ZNF676: variants seen among roughly 807,000 people sequenced by gnomAD.
ZNF676 encodes the protein zinc finger protein 676.
ZNF676 carries 4 observed loss-of-function variants against 6.0 expected under a neutral mutation model. The ratio of observed to expected loss-of-function variants is 0.67; its 90% CI spans 0.33 to 1.53. ZNF676 has a LOEUF of 1.53. Ranked by LOEUF, ZNF676 falls within the 40% of genes most tolerant of loss-of-function variation. ZNF676 has a pLI of 0.06. For synonymous variants in ZNF676, 198 were observed against 223.1 expected (o/e 0.89, Z 1.00); for missense variants, 644 against 679.7 (o/e 0.95, Z 0.58).
At position 22,179,950 on chromosome 19, in the gene ZNF676, T is replaced by C; in HGVS notation, c.1767A>G (p.Ter589=). The change falls in exon 3 of 3, where the codon TAA becomes TAG. Residue 589 remains the stop codon, a stop_retained_variant. Coordinates refer to ENST00000397121, the MANE Select transcript of ZNF676 (RefSeq NM_001001411.3). ...HKKIHTGENP[*] Reference sequence around the variant, plus strand: ...AGGATTTACCACATTCTTCACATTTTTAGGGATTCTCTCCAGTATGAATTT... The same window carrying C: ...AGGATTTACCACATTCTTCACATTTCTAGGGATTCTCTCCAGTATGAATTT... 1 of 1,611,412 alleles carries C rather than the reference T, an allele frequency of 6.2e-7. No individual in the cohort carries two copies. Among genetic ancestry groups the C allele is most frequent in the Non-Finnish European group, 8.5e-7 (1 of 1,178,750 alleles).
At chr19:22,243,084 C>T in the ZNF676 span, among the ~76,000 whole-genome samples, 23 of 151,962 alleles carry the variant, frequency 1.5e-4, no homozygotes, top group East Asian at 3.1e-3. Context: ...CAGAAGAAGT[C>T]ACATCACCTA....
At chr19:22,231,791 C>T in the ZNF676 span, among the ~76,000 whole-genome samples, 1 of 151,422 alleles carries the variant, frequency 6.6e-6, no homozygotes, top group African/African-American at 2.4e-5. Context: ...TCAGTTGAGA[C>T]GGGTTTTCAC....
chr19:22,220,188 A>G (rs2024233133), upstream of ZNF676, among the ~76,000 whole-genome samples: 1 of 152,132 alleles, frequency 6.6e-6, no homozygotes, highest in South Asian at 2.1e-4. Context: ...ATGGTGTACT[A>G]TCTTATTAAT....
At chr19:22,197,232 G>C (rs1426023080), upstream of ZNF676, among the ~76,000 whole-genome samples, 2 of 150,982 alleles carry the variant, frequency 1.3e-5, no homozygotes, top group Non-Finnish European at 2.9e-5. Context: ...TGAGGCAGGA[G>C]AATTGCTTGA....
the ZNF676 span, among the ~76,000 whole-genome samples, chr19:22,255,639 A>G: frequency 1.3e-5 from 2 of 152,052 alleles, no homozygotes; most frequent in African/African-American, 4.8e-5. Flanking sequence ...AAGTCAGGAG[A>G]TCGAGACCAT....
At chr19:22,257,940 G>A in the ZNF676 span, among the ~76,000 whole-genome samples, 255 of 152,274 alleles carry the variant, frequency 1.7e-3, no homozygotes, top group Middle Eastern at 3.4e-3. Flanking sequence ...GAGCACCCAG[G>A]CATGACAAGA....
chr19:22,182,681 A>G (rs77097716), intron 2 of ZNF676, among the ~76,000 whole-genome samples: 4 of 142,694 alleles, frequency 2.8e-5, no homozygotes, highest in Non-Finnish European at 6.1e-5. Flanking sequence ...AAAAAAAAAA[A>G]GAGCTTTCAA....
Position 22,181,393 on chromosome 19 carries a change from T to C in ZNF676, c.324A>G (p.Thr108=), listed in dbSNP as rs1331493903. 5 of 1,613,732 alleles carry C rather than the reference T, an allele frequency of 3.1e-6. No individual in the cohort carries two copies. Among genetic ancestry groups the C allele is most frequent in the South Asian group, 1.1e-5 (1 of 91,068 alleles). Residue 108 remains threonine, a synonymous_variant, in exon 3 of 3, where the codon ACA becomes ACG. Coordinates refer to ENST00000397121, the MANE Select transcript of ZNF676 (RefSeq NM_001001411.3). ...TGCCACATTGAAATACTTTGCTCTGTGTAGTTGTTAAACTCTGGTTAAGTT... is the reference window on the plus strand; with the variant it reads ...TGCCACATTGAAATACTTTGCTCTGCGTAGTTGTTAAACTCTGGTTAAGTT... The part of the protein sequence containing the change: ...YNKLNQSLTT[T]QSKVFQCGKY...
At position 22,180,570 on chromosome 19, in the gene ZNF676, G is replaced by A. The variant is rs1255338499; in HGVS notation, c.1147C>T (p.His383Tyr). ...TTCTCTTCAGCATGAATTGCCTTATGTGTATTAAGGGTTGAGACCTTACTA... is the reference window on the plus strand; with the variant it reads ...TTCTCTTCAGCATGAATTGCCTTATATGTATTAAGGGTTGAGACCTTACTA... Reference protein sequence around the residue: ...AFSKVSTLNTHKAIHAEEKPY... With the variant: ...AFSKVSTLNTYKAIHAEEKPY... Residue 383 changes from histidine to tyrosine, a missense_variant, in exon 3 of 3, where the codon CAT (histidine) becomes TAT (tyrosine). Coordinates refer to ENST00000397121, the MANE Select transcript of ZNF676 (RefSeq NM_001001411.3). 1 of 1,612,886 alleles carries A rather than the reference G, an allele frequency of 6.2e-7. No individual in the cohort carries two copies. Among genetic ancestry groups the A allele is most frequent in the Non-Finnish European group, 8.5e-7 (1 of 1,179,814 alleles).
the ZNF676 span, among the ~76,000 whole-genome samples, chr19:22,225,060 A>C: frequency 1.1e-4 from 16 of 152,298 alleles, no homozygotes; most frequent in East Asian, 2.5e-3. Flanking sequence ...AAAGGCTTCT[A>C]GAGGTTTTAC....
In ZNF676 at chr19:22,180,034, G is replaced by A. The variant is rs1438376726; in HGVS notation, c.1683C>T (p.Tyr561=). The A allele has an allele frequency of 2.5e-6, 4 of 1,613,748 alleles. No homozygotes were observed. The highest frequency in any genetic ancestry group is 4.5e-5 in the East Asian group (2 of 44,858). The change falls in exon 3 of 3, where the codon TAC becomes TAT. Residue 561 remains tyrosine, a synonymous_variant. Coordinates refer to ENST00000397121, the MANE Select transcript of ZNF676 (RefSeq NM_001001411.3). The part of the protein sequence containing the change: ...HKRIHTGEKP[Y]KCEECGKAFK... ...AAGCTTTGCCACATTCTTCACATTT[G>A]TAGGGTTTCTCTCCAGTATGAATTC...
chr19:22,237,201 G>A, the ZNF676 span, among the ~76,000 whole-genome samples: 1 of 152,096 alleles, frequency 6.6e-6, no homozygotes, highest in Non-Finnish European at 1.5e-5. Context: ...AAGCCAAGGG[G>A]CATCAGGCAT....
At chr19:22,235,027 A>G in the ZNF676 span, among the ~76,000 whole-genome samples, 2 of 59,882 alleles carry the variant, frequency 3.3e-5, no homozygotes, top group South Asian at 1.2e-3. Context: ...AAAGAAAGAA[A>G]GAAAGAAAAG....
intron 2 of ZNF676, among the ~76,000 whole-genome samples, chr19:22,183,040 C>G (rs748503585): frequency 3.9e-5 from 6 of 152,004 alleles, no homozygotes; most frequent in Non-Finnish European, 8.8e-5. Context: ...TTTTATGCAA[C>G]TGAAGTTAAT....
chr19:22,201,053 T>G (rs1161189791), upstream of ZNF676, among the ~76,000 whole-genome samples: 1 of 152,094 alleles, frequency 6.6e-6, no homozygotes, highest in Non-Finnish European at 1.5e-5. Flanking sequence ...CAGAGAAGAC[T>G]CAGGATGATT....
At chr19:22,220,308 A>T (rs2024234497), upstream of ZNF676, among the ~76,000 whole-genome samples, 1 of 152,074 alleles carries the variant, frequency 6.6e-6, no homozygotes, top group African/African-American at 2.4e-5. Context: ...TGATCTTGGT[A>T]TTAGAGTGAT....
intron 2 of ZNF676, among the ~76,000 whole-genome samples, chr19:22,182,683 A>G (rs1246017031): frequency 2.1e-5 from 3 of 140,532 alleles, no homozygotes; most frequent in Non-Finnish European, 3.1e-5. Context: ...AAAAAAAAAG[A>G]GCTTTCAAAA....
chr19:22,183,463 G>A lies in ZNF676; in HGVS notation c.131-1877C>T, dbSNP rs538736593. On this transcript the variant is annotated intron_variant, in intron 2 of 2. Transcript: ENST00000397121. ...AGCAGTTCTCCTGCCTCACACTCCC[G>A]AGTAGCTGGGATTACAAAAGTCTAC... Among the ~76,000 whole-genome samples, 39 of 152,076 alleles carry A rather than the reference G, an allele frequency of 2.6e-4. 1 individual carries two copies. Among genetic ancestry groups the A allele is most frequent in the African/African-American group, 7.2e-4 (30 of 41,466 alleles).
At chr19:22,255,493 C>G in the ZNF676 span, among the ~76,000 whole-genome samples, 3 of 152,156 alleles carry the variant, frequency 2.0e-5, no homozygotes, top group Admixed American at 2.0e-4. Flanking sequence ...GTCAACATCT[C>G]TCCAATTTTC....
Sources: allele counts gnomAD v4.1 joint callset (sites outside exome capture counted in the v4.1 genomes callset), GRCh38; gene constraint gnomAD v4.1.1; transcripts MANE v1.5; gene names NCBI Gene and HGNC (gene_info 2026-07-23, HGNC 2026-07-21).